DENND4C: variants seen among roughly 807,000 people sequenced by gnomAD.
The protein encoded by DENND4C is DENN domain containing 4C, also known as DENN domain-containing protein 4C.
DENND4C carries 108 observed loss-of-function variants against 203.0 expected under a neutral mutation model. The observed-to-expected ratio is 0.53, with a 90% CI of 0.46 to 0.62. The LOEUF (loss-of-function observed/expected upper bound fraction) is 0.62, where lower values mean the gene tolerates loss of function less well. DENND4C is among the 20% of genes least tolerant of loss of function. The probability of loss-of-function intolerance (pLI) is 0.00; values close to 1 mark genes in which losing one functional copy is unlikely to be tolerated. For synonymous variants in DENND4C, 871 were observed against 792.4 expected, an observed-to-expected ratio of 1.10 and a Z score of -1.67; for missense variants, 2,481 against 2,301.2, an observed-to-expected ratio of 1.08 and a Z score of -1.60.
chr9:19,301,005 C>T (rs943205914), intron 9 of DENND4C, among the ~76,000 whole-genome samples: 7 of 152,044 alleles, frequency 4.6e-5, no homozygotes, highest in Admixed American at 2.6e-4. Flanking sequence ...TATGGAGAAA[C>T]CCTGCTCTAC....
At chr9:19,276,130 A>C in intron 1 of DENND4C, 28 bp from the exon 2 acceptor site, 1 of 1,128,508 alleles carries the variant, frequency 8.9e-7, no homozygotes, top group Non-Finnish European at 1.1e-6. Context: ...ATTTTATTTT[A>C]TTGGTATCTT....
chr9:19,279,681 C>CAA (rs1211442283), intron 2 of DENND4C, among the ~76,000 whole-genome samples: 8 of 98,660 alleles, frequency 8.1e-5, no homozygotes, highest in African/African-American at 1.9e-4. Flanking sequence ...CTTCTCAAGA[C>CAA]AAAAAAAAAA....
intron 17 of DENND4C, among the ~76,000 whole-genome samples, chr9:19,334,234 A>G (rs148842952): frequency 1.3e-5 from 2 of 152,096 alleles, no homozygotes; most frequent in East Asian, 1.9e-4. Context: ...ATTTTTTTGT[A>G]GAGATGGAGT....
intron 17 of DENND4C, among the ~76,000 whole-genome samples, chr9:19,334,774 T>C (rs567907484): frequency 6.2e-4 from 95 of 152,230 alleles, no homozygotes; most frequent in African/African-American, 2.1e-3. Context: ...GATCCACCCG[T>C]CTCAGCCTCC....
chr9:19,365,523 A>C (rs1258067751), intron 30 of DENND4C, among the ~76,000 whole-genome samples: 8 of 152,162 alleles, frequency 5.3e-5, no homozygotes, highest in Non-Finnish European at 1.2e-4. Flanking sequence ...ATTCTACCAG[A>C]GGTTCTAGCT....
chr9:19,276,390 A>G lies in DENND4C; in HGVS notation c.216A>G (p.Gln72=). 8.1e-7 allele frequency: 1 copy of G among 1,232,078 alleles called. No homozygotes were observed. Among genetic ancestry groups the G allele is most frequent in the Non-Finnish European group, 1.0e-6 (1 of 987,928 alleles). 76.3% of individuals were successfully genotyped at this position (1,232,078 alleles called of 1,614,324 possible). A position where few individuals can be genotyped will look rare whatever the true frequency, so the allele number is the denominator to read the frequency against. The part of the protein sequence containing the change: ...TCVEATPSAL[Q]ANLNYGSLKS... ...TAGAAGCCACTCCATCAGCTCTCCA[A>G]GCAAACTTGAACTATGGAAGTCTGA... The change falls in exon 2 of 33, where the codon CAA becomes CAG. Residue 72 remains glutamine, a synonymous_variant. Coordinates refer to ENST00000434457, the MANE Select transcript of DENND4C (RefSeq NM_001330640.2).
At chr9:19,269,503 C>A (rs993039028) in intron 1 of DENND4C, among the ~76,000 whole-genome samples, 1 of 152,138 alleles carries the variant, frequency 6.6e-6, no homozygotes, top group Non-Finnish European at 1.5e-5. Flanking sequence ...CTCATGATTT[C>A]TTTATTCTGC....
Position 19,361,879 on chromosome 9 carries a change from C to G in DENND4C, c.5440C>G (p.Leu1814Val). ...GTCATCTCTGTCCCAGGATAGCAAA[C>G]TTGTGTATATTCAGCTGTTATGGGA... The part of the protein sequence containing the change: ...PLSSLSQDSK[L>V]VYIQLLWDNI... Residue 1814 changes from leucine (L) to valine (V), a missense_variant, in exon 30 of 33, where the codon CTT becomes GTT. Leu to Val is a conservative substitution (Grantham distance 32). Coordinates refer to ENST00000434457, the MANE Select transcript of DENND4C (RefSeq NM_001330640.2). The G allele has an allele frequency of 1.2e-6, 2 of 1,611,922 alleles. No individual in the cohort carries two copies. The highest frequency in any genetic ancestry group is 1.7e-6 in the Non-Finnish European group (2 of 1,178,094).
At position 19,255,474 on chromosome 9, in the gene DENND4C, C is replaced by T. The variant is rs1201347157; in HGVS notation, c.-17-20684C>T. On this transcript the variant is annotated intron_variant, in intron 1 of 32. Coordinates refer to ENST00000434457, the MANE Select transcript of DENND4C (RefSeq NM_001330640.2). ...GTTATCTACACATCACTAATGTTTA[C>T]AATCAACAGGTTTATACATTTATTT... Among the ~76,000 whole-genome samples the T allele has an allele frequency of 5.3e-5, 8 of 152,058 alleles. No homozygotes were observed. The South Asian group carries it at 6.2e-4, about 12-fold the overall frequency.
At chr9:19,241,968 A>T (rs1469264771) in intron 1 of DENND4C, among the ~76,000 whole-genome samples, 1 of 152,054 alleles carries the variant, frequency 6.6e-6, no homozygotes, top group Non-Finnish European at 1.5e-5. Context: ...AGATGGGCGG[A>T]TTGCTTGAGC....
In DENND4C at chr9:19,358,175, C is replaced by G; in HGVS notation, c.5160+15C>G. Reference sequence around the variant, plus strand: ...AGGAAGTTGTGGTATGTAACAACAACAACATTGTAATTATACTGCATACAC... The same window carrying G: ...AGGAAGTTGTGGTATGTAACAACAAGAACATTGTAATTATACTGCATACAC... On this transcript the variant is annotated intron_variant, in intron 28 of 32. Coordinates refer to ENST00000434457, the MANE Select transcript of DENND4C (RefSeq NM_001330640.2). The surrounding 1 kb of genome is among the most constrained non-coding windows in gnomAD (Gnocchi z 4.8). The G allele has an allele frequency of 1.9e-6, 3 of 1,604,406 alleles. No individual in the cohort carries two copies. Among genetic ancestry groups the G allele is most frequent in the Non-Finnish European group, 2.6e-6 (3 of 1,172,524 alleles).
At chr9:19,353,890 C>A (rs1401652851) in intron 26 of DENND4C, among the ~76,000 whole-genome samples, 2 of 152,172 alleles carry the variant, frequency 1.3e-5, no homozygotes, top group Non-Finnish European at 2.9e-5. Flanking sequence ...GAGCTGAAAT[C>A]ACACCATTTA....
chr9:19,250,610 G>A (rs4977521), intron 1 of DENND4C, among the ~76,000 whole-genome samples: 1 of 151,952 alleles, frequency 6.6e-6, no homozygotes, highest in Non-Finnish European at 1.5e-5. Flanking sequence ...TTCCTCCGCC[G>A]ATTAGCTTGT....
chr9:19,314,092 A>G (rs1841279888), intron 10 of DENND4C, among the ~76,000 whole-genome samples: 1 of 150,562 alleles, frequency 6.6e-6, no homozygotes, highest in Admixed American at 6.6e-5. Flanking sequence ...AAGAGAGGGG[A>G]AAAAAAAGAA....
At chr9:19,299,802 C>T (rs113353161) in intron 8 of DENND4C, among the ~76,000 whole-genome samples, 1 of 152,276 alleles carries the variant, frequency 6.6e-6, no homozygotes, top group African/African-American at 2.4e-5. Flanking sequence ...TAATCTGTTG[C>T]TGTTTTCACC....
chr9:19,371,632 A>G lies in DENND4C; in HGVS notation c.5676-124A>G, dbSNP rs1361484923. The G allele has an allele frequency of 7.2e-6, 4 of 558,452 alleles. No individual in the cohort carries two copies. In the African/African-American group the frequency reaches 7.9e-5, roughly 11 times the overall value. 34.6% of individuals were successfully genotyped at this position (558,452 alleles called of 1,614,324 possible). ...ACTGTAATGTAATATTAAAACCAGG[A>G]CATTGACATAGTTATATTACTATTA... is the stretch of plus-strand genomic sequence containing the variant. On this transcript the variant is annotated intron_variant, in intron 31 of 32. Transcript: ENST00000434457.
intron 1 of DENND4C, among the ~76,000 whole-genome samples, chr9:19,242,021 A>T (rs35704234): frequency 0.076 from 11,573 of 152,142 alleles, 543 homozygotes; most frequent in South Asian, 0.17. Context: ...ATCCACCGTT[A>T]AATTATTGTG....
At chr9:19,336,043 G>C (rs1216104131) in intron 18 of DENND4C, among the ~76,000 whole-genome samples, 1 of 150,600 alleles carries the variant, frequency 6.6e-6, no homozygotes, top group Non-Finnish European at 1.5e-5. Context: ...TGTTTTTTTT[G>C]ACAATATTCT....
Position 19,356,955 on chromosome 9 carries a change from C to A in DENND4C, c.4782-17C>A. On this transcript the variant is annotated splice_polypyrimidine_tract_variant and intron_variant, in intron 26 of 32. Coordinates refer to ENST00000434457, the MANE Select transcript of DENND4C (RefSeq NM_001330640.2). ...AGGATTTTTAAAGGCTCTTTTTCCC[C>A]CCTTTTCCTTATGTAGCTTTTTCCT... is the stretch of plus-strand genomic sequence containing the variant. The A allele has an allele frequency of 1.2e-6, 2 of 1,609,504 alleles. No homozygotes were observed. Among genetic ancestry groups the A allele is most frequent in the Non-Finnish European group, 1.7e-6 (2 of 1,178,164 alleles).
Sources: gnomAD v4.1 joint callset for allele counts (sites outside exome capture counted in the v4.1 genomes callset) on GRCh38, gnomAD v4.1.1 for gene constraint, Gnocchi (gnomAD v3.1) non-coding constraint, MANE v1.5 for transcripts, NCBI Gene and HGNC (gene_info 2026-07-23, HGNC 2026-07-21) for gene names.